The following COL2A1 variants were observed in gnomAD, a reference collection of about 807,000 sequenced individuals.
COL2A1 encodes the protein collagen type II alpha 1 chain, also known as collagen alpha-1(II) chain.
A neutral mutation model predicts 204.5 loss-of-function variants in COL2A1; 28 were observed. The observed-to-expected ratio is 0.14, with a 90% confidence interval of 0.10 to 0.19. COL2A1 has a LOEUF of 0.19. Among genes scored for constraint, COL2A1 ranks in the 10% least tolerant of loss-of-function variants. The probability of loss-of-function intolerance (pLI) is 1.00; values close to 1 mark genes in which losing one functional copy is unlikely to be tolerated. For missense variants in COL2A1, 1,388 were observed against 2,027.5 expected, an observed-to-expected ratio of 0.68 and a Z score of 6.06; for synonymous variants, 708 against 718.7, an observed-to-expected ratio of 0.99 and a Z score of 0.24.
Position 47,979,531 on chromosome 12 carries a change from C to A in COL2A1, c.2713G>T (p.Val905Phe), listed in dbSNP as rs759822181. The change falls in exon 41 of 54, where the codon GTT (valine) becomes TTT (phenylalanine). Residue 905 changes from valine to phenylalanine, a missense_variant. Val to Phe is a conservative substitution (Grantham distance 50). Coordinates refer to ENST00000380518, the MANE Select transcript of COL2A1 (RefSeq NM_001844.5). ...CTTACATTGGAGCCTGGGGGTCCAACGCGGCCAGCAGCTCCAGGGAATCCA... is the reference window on the plus strand; with the variant it reads ...CTTACATTGGAGCCTGGGGGTCCAAAGCGGCCAGCAGCTCCAGGGAATCCA... ...ATGFPGAAGR[V>F]GPPGSNGNPG... 1 of 1,613,542 alleles carries A rather than the reference C, an allele frequency of 6.2e-7. No homozygotes were observed. Among genetic ancestry groups the A allele is most frequent in the Non-Finnish European group, 8.5e-7 (1 of 1,179,954 alleles).
chr12:47,974,364 G>A (rs772406128), intron 52 of COL2A1, 33 bp from the exon 53 acceptor site: 7 of 1,611,676 alleles, frequency 4.3e-6, no homozygotes, highest in Non-Finnish European at 5.9e-6. Flanking sequence ...TGTGAGGCCT[G>A]GGAGCTGGCA....
chr12:48,003,800 T>TC (rs769225397), intron 1 of COL2A1, among the ~76,000 whole-genome samples: 26 of 152,172 alleles, frequency 1.7e-4, no homozygotes, highest in Non-Finnish European at 3.5e-4. Flanking sequence ...GCTTGCTCCC[T>TC]CGCTCGCGCT....
chr12:48,000,587 T>C (rs1412982905), intron 1 of COL2A1, among the ~76,000 whole-genome samples: 1 of 152,186 alleles, frequency 6.6e-6, no homozygotes, highest in African/African-American at 2.4e-5. Context: ...AGAAGTCTTC[T>C]TTCTTCTGCC....
chr12:47,998,395 A>G lies in COL2A1; in HGVS notation c.309+20T>C. Reference sequence around the variant, plus strand: ...TAAAGCCAAAAAAATATGAAAAAAGAAAAAGAAGAAAGCCCTTACCTTTGG... The same window carrying G: ...TAAAGCCAAAAAAATATGAAAAAAGGAAAAGAAGAAAGCCCTTACCTTTGG... On this transcript the variant is annotated intron_variant, in intron 3 of 53. Coordinates refer to ENST00000380518, the MANE Select transcript of COL2A1 (RefSeq NM_001844.5). The G allele has an allele frequency of 6.3e-7, 1 of 1,591,302 alleles. No individual in the cohort carries two copies. Among genetic ancestry groups the G allele is most frequent in the Non-Finnish European group, 8.6e-7 (1 of 1,165,492 alleles).
intron 15 of COL2A1, 57 bp from the exon 16 acceptor site, chr12:47,992,988 A>C (rs779828434): frequency 2.8e-5 from 42 of 1,526,962 alleles, no homozygotes; most frequent in Non-Finnish European, 3.7e-5. Flanking sequence ...GCTCAGGGTG[A>C]CCATTTCTAC....
rs1227723645 is a variant in COL2A1, at chr12:47,973,076, C to T, written c.*331G>A. ...GTAGGACACACACAGTTCCTGCGCCCGGCACCTGAAGGGAGGTCTTCTGGC... is the reference window on the plus strand; with the variant it reads ...GTAGGACACACACAGTTCCTGCGCCTGGCACCTGAAGGGAGGTCTTCTGGC... On this transcript the variant is annotated 3_prime_UTR_variant, in exon 54 of 54. Transcript: ENST00000380518. The T allele has an allele frequency of 2.3e-5, 14 of 596,168 alleles. No homozygotes were observed. The highest frequency in any genetic ancestry group is 1.4e-4 in the East Asian group (5 of 36,364). The allele number at this position is 596,168 out of a possible 1,614,324, so 36.9% of individuals were successfully genotyped here. A position where few individuals can be genotyped will look rare whatever the true frequency, so the allele number is the denominator to read the frequency against.
chr12:47,977,506 G>A (rs1048913517), intron 45 of COL2A1, 79 bp from the exon 46 acceptor site: 1 of 1,589,414 alleles, frequency 6.3e-7, no homozygotes, highest in Admixed American at 1.7e-5. Flanking sequence ...AGGCTGAGAT[G>A]AGACTTGTTC....
Position 47,980,477 on chromosome 12 carries a change from G to T in COL2A1, c.2625+77C>A. 1.5e-6 allele frequency: 2 copies of T among 1,318,932 alleles called. No homozygotes were observed. The highest frequency in any genetic ancestry group is 1.5e-5 in the African/African-American group (1 of 68,738). 81.7% of individuals were successfully genotyped at this position (1,318,932 alleles called of 1,614,324 possible). On this transcript the variant is annotated intron_variant, in intron 39 of 53. Coordinates refer to ENST00000380518, the MANE Select transcript of COL2A1 (RefSeq NM_001844.5). The surrounding 1 kb of genome is among the most constrained non-coding windows in gnomAD (Gnocchi z 4.5). The stretch of plus-strand genomic sequence containing the variant: ...AGGCCTGCGAACCATCCTCTGCGCA[G>T]CCTGCTGGGGCCTTCCCATCTGCAC...
In COL2A1 at chr12:47,980,046, G is replaced by C. The variant is rs768219590; in HGVS notation, c.2642C>G (p.Thr881Ser). 4 of 1,555,038 alleles carry C rather than the reference G, an allele frequency of 2.6e-6. No homozygotes were observed. The highest frequency in any genetic ancestry group is 3.5e-6 in the Non-Finnish European group (4 of 1,149,308). ...APGPQGPTGV[T>S]GPKGARGAQG... is the part of the protein sequence containing the mutation. ...GGCACCTCGGGCTCCTTTAGGACCA[G>C]TCACTCCAGTAGGACCCTGGAAAGG... Residue 881 changes from threonine (T) to serine (S), a missense_variant, in exon 40 of 54, where the codon ACT becomes AGT. Transcript: ENST00000380518. This position sits in a 1 kb window ranked among gnomAD's most constrained non-coding sequence, Gnocchi z 4.5.
chr12:47,997,628 G>A lies in COL2A1; in HGVS notation c.509C>T (p.Pro170Leu), dbSNP rs1253027973. The A allele has an allele frequency of 6.2e-7, 1 of 1,613,650 alleles. No homozygotes were observed. Among genetic ancestry groups the A allele is most frequent in the Middle Eastern group, 1.6e-4 (1 of 6,062 alleles). ...NPGPPGPPGP[P>L]GPPGLGGNFA... ...TACTCCACCAAGACCAGGGGGACCAGGGGGGCCGGGAGGACCAGGGGGGCC... is the reference window on the plus strand; with the variant it reads ...TACTCCACCAAGACCAGGGGGACCAAGGGGGCCGGGAGGACCAGGGGGGCC... Residue 170 changes from proline (P) to leucine (L), a missense_variant, in exon 7 of 54, where the codon CCT (proline) becomes CTT (leucine). Transcript: ENST00000380518.
In COL2A1 at chr12:47,975,624, A is replaced by C. The variant is rs76104937; in HGVS notation, c.3598-19T>G. On this transcript the variant is annotated intron_variant, in intron 50 of 53. Transcript: ENST00000380518. The stretch of plus-strand genomic sequence containing the variant: ...GAGGACCCTGCAGCAGGAAACAGAG[A>C]GATCAGCCAGGATTGTGTGAAAGTG... 8.0e-4 allele frequency: 1,273 copies of C among 1,597,694 alleles called. 17 individuals are homozygous for C. The African/African-American group carries it at 0.015, about 19-fold the overall frequency.
upstream of COL2A1, chr12:48,004,612 C>CCCTGCCAGTGCCCGCA (rs1435520907): frequency 3.2e-6 from 1 of 308,718 alleles, no homozygotes; most frequent in East Asian, 7.5e-5. Flanking sequence ...CCCGCCTGGG[C>CCCTGCCAGTGCCCGCA]CCTGCCAGTG....
intron 26 of COL2A1, 95 bp from the exon 27 acceptor site, chr12:47,985,188 A>G (rs1619938): frequency 1.0e-6 from 1 of 968,054 alleles, no homozygotes; most frequent in East Asian, 2.6e-5. Flanking sequence ...GCCCAGGACT[A>G]GGCACCAGCC....
intron 11 of COL2A1, 86 bp downstream of exon 11, chr12:47,995,169 G>A: frequency 2.6e-6 from 3 of 1,148,136 alleles, no homozygotes; most frequent in Non-Finnish European, 4.0e-6. Context: ...CACCCTGGGT[G>A]CCTCCCTGTC....
chr12:48,004,918 A>C (rs1415619876), upstream of COL2A1, among the ~76,000 whole-genome samples: 4 of 152,242 alleles, frequency 2.6e-5, no homozygotes, highest in Non-Finnish European at 5.9e-5. Context: ...AGAAAGGAGC[A>C]GCGGAGGGCG....
At chr12:47,983,983 C>T in intron 29 of COL2A1, 104 bp downstream of exon 29, 3 of 1,128,228 alleles carry the variant, frequency 2.7e-6, no homozygotes, top group Non-Finnish European at 3.9e-6. Context: ...TCAGCTCAGC[C>T]CACATTCACA....
intron 1 of COL2A1, among the ~76,000 whole-genome samples, chr12:48,003,193 A>C (rs1940315646): frequency 6.6e-6 from 1 of 152,172 alleles, no homozygotes; most frequent in Non-Finnish European, 1.5e-5. Flanking sequence ...GGAGGGGTAG[A>C]AAGGTGCAGT....
In COL2A1 at chr12:48,000,015, C is replaced by T. The variant is rs976006680; in HGVS notation, c.196G>A (p.Asp66Asn). ...TCTTTCACGTCTTCACAGATTATGT[C>T]GTCGCAGAGGACAGTCCCAGTGTCA... ...VCDTGTVLCD[D>N]IICEDVKDCL... Residue 66 changes from aspartate to asparagine, a missense_variant, in exon 2 of 54, where the codon GAC becomes AAC. Physicochemically the swap from Asp to Asn is conservative, Grantham distance 23 (BLOSUM62 1). Around this residue, in one of 3 missense-constraint regions of COL2A1, gnomAD observed 201 missense variants for 242.4 expected, o/e 0.83. Transcript: ENST00000380518. The T allele has an allele frequency of 3.2e-5, 51 of 1,614,014 alleles. No individual in the cohort carries two copies. The highest frequency in any genetic ancestry group is 4.5e-5 in the East Asian group (2 of 44,896).
chr12:47,973,549 T>C lies in COL2A1; in HGVS notation c.4322A>G (p.His1441Arg). 2 of 1,614,110 alleles carry C rather than the reference T, an allele frequency of 1.2e-6. No homozygotes were observed. Among genetic ancestry groups the C allele is most frequent in the Non-Finnish European group, 1.7e-6 (2 of 1,180,016 alleles). ...YTALKDGCTK[H>R]TGKWGKTVIE... ...AACAGTCTTGCCCCACTTACCGGTA[T>C]GTTTCTAGGGGAGAAAAAAGGAGGA... The change falls in exon 54 of 54, where the codon CAT (histidine) becomes CGT (arginine). Residue 1441 changes from histidine (H) to arginine (R), a missense_variant. Around this residue, in one of 3 missense-constraint regions of COL2A1, gnomAD observed 303 missense variants for 369.2 expected, o/e 0.82. Transcript: ENST00000380518.
Sources: allele counts gnomAD v4.1 joint callset (sites outside exome capture counted in the v4.1 genomes callset), GRCh38; gene constraint gnomAD v4.1.1; regional missense constraint gnomAD v4.1.1; non-coding constraint Gnocchi (gnomAD v3.1); transcripts MANE v1.5; gene names NCBI Gene and HGNC (gene_info 2026-07-23, HGNC 2026-07-21).